Variants in FHIP1A observed in about 807,000 individuals in gnomAD.
FHIP1A encodes FHF complex subunit HOOK-interacting protein 1A.
FHIP1A carries 61 observed loss-of-function variants against 88.6 expected under a neutral mutation model. The ratio of observed to expected loss-of-function variants is 0.69; its 90% CI spans 0.56 to 0.85. The LOEUF is 0.85. Ranked by LOEUF, FHIP1A falls within the 40% of genes least tolerant of loss-of-function variation. The pLI, the probability that FHIP1A is intolerant of heterozygous loss-of-function variation, is 0.00. For missense variants in FHIP1A, 1,154 were observed against 1,273.5 expected (o/e 0.91, Z 1.43); for synonymous variants, 478 against 496.0 (o/e 0.96, Z 0.48).
At position 151,650,188 on chromosome 4, in the gene FHIP1A, G is replaced by A. The variant is rs765095579; in HGVS notation, c.2147G>A (p.Arg716Lys). 1 of 1,551,714 alleles carries A rather than the reference G, an allele frequency of 6.4e-7. No individual in the cohort carries two copies. Reference sequence around the variant, plus strand: ...GAGCCCAAGGAGCCAAAGCAAGAGAGGGAACCTGAAGCAGCCCCAGAATCC... The same window carrying A: ...GAGCCCAAGGAGCCAAAGCAAGAGAAGGAACCTGAAGCAGCCCCAGAATCC... The part of the protein sequence containing the change: ...HSEPKEPKQE[R>K]EPEAAPESNS... Residue 716 changes from arginine (R) to lysine (K), a missense_variant, in exon 11 of 14, where the codon AGG (arginine) becomes AAG (lysine). Arg to Lys is a conservative substitution (Grantham distance 26). Coordinates refer to ENST00000435205, the MANE Select transcript of FHIP1A (RefSeq NM_001109977.3).
intron 1 of FHIP1A, among the ~76,000 whole-genome samples, chr4:151,445,804 A>G (rs967268179): frequency 1.4e-5 from 2 of 143,384 alleles, no homozygotes; most frequent in African/African-American, 5.1e-5. Context: ...GCAGTGACCT[A>G]TGATCACACC....
intron 2 of FHIP1A, among the ~76,000 whole-genome samples, chr4:151,467,584 T>C (rs541275427): frequency 6.6e-6 from 1 of 152,144 alleles, no homozygotes; most frequent in East Asian, 1.9e-4. Context: ...CAAACACCTA[T>C]CAGTGATGGA....
At chr4:151,412,211 T>C (rs1732679276) in intron 1 of FHIP1A, among the ~76,000 whole-genome samples, 1 of 152,022 alleles carries the variant, frequency 6.6e-6, no homozygotes, top group Non-Finnish European at 1.5e-5. Context: ...CCAGCGATTC[T>C]CCTACCTCAG....
At chr4:151,472,633 T>C (rs1729564207) in intron 2 of FHIP1A, among the ~76,000 whole-genome samples, 1 of 151,746 alleles carries the variant, frequency 6.6e-6, no homozygotes, top group African/African-American at 2.4e-5. Context: ...TTTTTTTTTT[T>C]TTTTTTGTAG....
intron 5 of FHIP1A, among the ~76,000 whole-genome samples, chr4:151,580,023 T>G (rs1303245068): frequency 6.6e-6 from 1 of 152,184 alleles, no homozygotes; most frequent in African/African-American, 2.4e-5. Context: ...CCTAAGAACA[T>G]TATACAATAA....
At chr4:151,618,356 A>G (rs1029935850) in intron 7 of FHIP1A, among the ~76,000 whole-genome samples, 28 of 152,218 alleles carry the variant, frequency 1.8e-4, no homozygotes, top group African/African-American at 5.5e-4. Flanking sequence ...CATCTAGTTC[A>G]TCATCATTTT....
At chr4:151,626,749 G>C (rs189788732) in intron 7 of FHIP1A, among the ~76,000 whole-genome samples, 3 of 152,306 alleles carry the variant, frequency 2.0e-5, no homozygotes, top group East Asian at 3.9e-4. Flanking sequence ...TCATCTCTAA[G>C]ACAGAGGTCT....
At chr4:151,600,146 C>T (rs1734807495) in intron 7 of FHIP1A, among the ~76,000 whole-genome samples, 1 of 152,212 alleles carries the variant, frequency 6.6e-6, no homozygotes, top group Non-Finnish European at 1.5e-5. Flanking sequence ...ATGTTATCCT[C>T]ACTCAGGGAT....
At chr4:151,512,781 T>C (rs1414406858) in intron 3 of FHIP1A, among the ~76,000 whole-genome samples, 1 of 151,924 alleles carries the variant, frequency 6.6e-6, no homozygotes, top group African/African-American at 2.4e-5. Context: ...GAACAAAGCC[T>C]CCAAGAAATA....
chr4:151,524,859 C>A (rs1345408166), intron 3 of FHIP1A, among the ~76,000 whole-genome samples: 2 of 152,118 alleles, frequency 1.3e-5, no homozygotes, highest in Non-Finnish European at 2.9e-5. Context: ...GGAAGTGTTG[C>A]CTGTTCGACA....
intron 2 of FHIP1A, among the ~76,000 whole-genome samples, chr4:151,466,019 T>C (rs1272656895): frequency 6.6e-6 from 1 of 151,796 alleles, no homozygotes; most frequent in East Asian, 1.9e-4. Context: ...AGGGTATTCA[T>C]ATAGAAAGAG....
intron 3 of FHIP1A, among the ~76,000 whole-genome samples, chr4:151,534,426 G>GCCT (rs1455647690): frequency 6.6e-6 from 1 of 152,196 alleles, no homozygotes; most frequent in African/African-American, 2.4e-5. Context: ...GGCCACCTCT[G>GCCT]TCCTTAGCTT....
Position 151,650,206 on chromosome 4 carries a change from C to G in FHIP1A, c.2165C>G (p.Pro722Arg). 1 of 1,551,736 alleles carries G rather than the reference C, an allele frequency of 6.4e-7. No homozygotes were observed. The highest frequency in any genetic ancestry group is 8.7e-7 in the Non-Finnish European group (1 of 1,147,008). Residue 722 changes from proline (P) to arginine (R), a missense_variant, in exon 11 of 14, where the codon CCA becomes CGA. Transcript: ENST00000435205. ...CAAGAGAGGGAACCTGAAGCAGCCC[C>G]AGAATCCAACTCAGAGTTAGCATCC... ...PKQEREPEAAPESNSELASPA... is the reference protein window; with the variant it reads ...PKQEREPEAARESNSELASPA...
chr4:151,509,753 CTATG>C (rs1450935666), intron 3 of FHIP1A, among the ~76,000 whole-genome samples: 1 of 131,002 alleles, frequency 7.6e-6, no homozygotes, highest in East Asian at 2.1e-4. Flanking sequence ...AATACTGTCT[CTATG>C]TTTGTGTGTG....
chr4:151,511,276 T>C (rs1237542737), intron 3 of FHIP1A, among the ~76,000 whole-genome samples: 2 of 152,222 alleles, frequency 1.3e-5, no homozygotes, highest in African/African-American at 4.8e-5. Context: ...AGAGTTAAAA[T>C]ATTCATGAAA....
At chr4:151,502,644 A>T (rs1481586351) in intron 3 of FHIP1A, among the ~76,000 whole-genome samples, 3 of 152,292 alleles carry the variant, frequency 2.0e-5, no homozygotes, top group East Asian at 3.9e-4. Context: ...AACCTAAAAC[A>T]TGCATTATGG....
At chr4:151,419,615 G>GTTTTTTTTTT (rs1733049439) in intron 1 of FHIP1A, among the ~76,000 whole-genome samples, 1 of 15,114 alleles carries the variant, frequency 6.6e-5, no homozygotes, top group Admixed American at 7.4e-4. Context: ...TATACTCTAA[G>GTTTTTTTTTT]TTTTAGGGTA....
chr4:151,495,310 C>T (rs902728656), intron 3 of FHIP1A, among the ~76,000 whole-genome samples: 2 of 152,054 alleles, frequency 1.3e-5, no homozygotes, highest in Admixed American at 1.3e-4. Flanking sequence ...TGAGACCAGC[C>T]TGGCCAACAT....
chr4:151,468,308 A>T (rs971696444), intron 2 of FHIP1A, among the ~76,000 whole-genome samples: 2 of 150,830 alleles, frequency 1.3e-5, no homozygotes, highest in Non-Finnish European at 3.0e-5. Context: ...AAAAAAAAAA[A>T]GAATACAAAT....
Sources: gnomAD v4.1 joint callset for allele counts (sites outside exome capture counted in the v4.1 genomes callset) on GRCh38, gnomAD v4.1.1 for gene constraint, MANE v1.5 for transcripts, NCBI Gene and HGNC (gene_info 2026-07-23, HGNC 2026-07-21) for gene names.